ATP10D: variants seen among roughly 807,000 people sequenced by gnomAD.
The protein encoded by ATP10D is phospholipid-transporting ATPase VD.
Under a neutral mutation model 144.8 loss-of-function variants are expected in ATP10D, and 89 were observed. That is an observed-to-expected ratio of 0.61 (90% confidence interval 0.52 to 0.73). ATP10D has a LOEUF of 0.73. ATP10D is among the 30% of genes least tolerant of loss of function. The pLI, the probability that ATP10D is intolerant of heterozygous loss-of-function variation, is 0.00. For synonymous variants in ATP10D, 571 were observed against 615.1 expected, an observed-to-expected ratio of 0.93 and a Z score of 1.06; for missense variants, 1,603 against 1,714.8, an observed-to-expected ratio of 0.93 and a Z score of 1.15.
At chr4:47,532,841 CG>C (rs1179739388) in intron 5 of ATP10D, among the ~76,000 whole-genome samples, 1 of 152,072 alleles carries the variant, frequency 6.6e-6, no homozygotes, top group African/African-American at 2.4e-5. Flanking sequence ...TCTTAGACCA[CG>C]GGAGTCCAGA....
Position 47,536,877 on chromosome 4 carries a change from G to C in ATP10D, c.1335G>C (p.Glu445Asp). ...LFSDKTGTLT[E>D]NKMVFRRCSV... is the part of the protein sequence containing the mutation. Reference sequence around the variant, plus strand: ...CCGATAAGACAGGAACCCTCACTGAGAATAAGATGGTTTTTCGAAGATGTA... The same window carrying C: ...CCGATAAGACAGGAACCCTCACTGACAATAAGATGGTTTTTCGAAGATGTA... The change falls in exon 9 of 23, where the codon GAG becomes GAC. Residue 445 changes from glutamate to aspartate, a missense_variant. Transcript: ENST00000273859. 6.2e-7 allele frequency: 1 copy of C among 1,613,288 alleles called. No individual in the cohort carries two copies. The highest frequency in any genetic ancestry group is 8.5e-7 in the Non-Finnish European group (1 of 1,179,658).
At chr4:47,563,465 C>A in intron 14 of ATP10D, 116 bp from the exon 15 acceptor site, 2 of 831,656 alleles carry the variant, frequency 2.4e-6, no homozygotes, top group Non-Finnish European at 3.5e-6. Context: ...AGCAGCTGGG[C>A]AGTTTATGTA....
intron 5 of ATP10D, among the ~76,000 whole-genome samples, chr4:47,529,302 G>T (rs1717435843): frequency 6.6e-6 from 1 of 152,114 alleles, no homozygotes; most frequent in Non-Finnish European, 1.5e-5. Flanking sequence ...AATCCATCTT[G>T]AGTTAATTTT....
intron 18 of ATP10D, 146 bp downstream of exon 18, chr4:47,573,143 A>G (rs1720054677): frequency 2.0e-6 from 2 of 1,024,460 alleles, no homozygotes; most frequent in African/African-American, 3.2e-5. Flanking sequence ...CTGTCTTTCC[A>G]GAACTAAGCT....
At chr4:47,537,263 A>G (rs1438787189) in intron 9 of ATP10D, among the ~76,000 whole-genome samples, 1 of 152,174 alleles carries the variant, frequency 6.6e-6, no homozygotes, top group Non-Finnish European at 1.5e-5. Flanking sequence ...TTTGAAAAAT[A>G]TTTTGGAAAT....
At chr4:47,563,883 T>C in intron 15 of ATP10D, 118 bp downstream of exon 15, 1 of 1,010,760 alleles carries the variant, frequency 9.9e-7, no homozygotes, top group South Asian at 2.3e-5. Context: ...GCTTTTTTTG[T>C]TGTTTGTTTG....
At chr4:47,575,981 G>A (rs1398211316) in intron 18 of ATP10D, among the ~76,000 whole-genome samples, 6 of 135,214 alleles carry the variant, frequency 4.4e-5, no homozygotes, top group South Asian at 4.9e-4. Flanking sequence ...GCCCAGGCTG[G>A]AGTGCAGTGG....
chr4:47,580,584 CA>C, intron 20 of ATP10D, 106 bp downstream of exon 20: 1 of 977,552 alleles, frequency 1.0e-6, no homozygotes, highest in Non-Finnish European at 1.6e-6. Flanking sequence ...CTCATATAAT[CA>C]GGTTGATTAT....
chr4:47,526,011 T>C (rs1717226412), intron 5 of ATP10D, among the ~76,000 whole-genome samples: 1 of 152,214 alleles, frequency 6.6e-6, no homozygotes, highest in Non-Finnish European at 1.5e-5. Context: ...CAATTAGACC[T>C]ACTTCACAGT....
At chr4:47,530,935 G>A (rs1020724161) in intron 5 of ATP10D, among the ~76,000 whole-genome samples, 1 of 152,130 alleles carries the variant, frequency 6.6e-6, no homozygotes, top group Non-Finnish European at 1.5e-5. Context: ...ATTCATCAGG[G>A]ATATTAGCCT....
chr4:47,573,178 T>A (rs1259236700), intron 18 of ATP10D, among the ~76,000 whole-genome samples, 181 bp downstream of exon 18: 1 of 152,248 alleles, frequency 6.6e-6, no homozygotes, highest in Non-Finnish European at 1.5e-5. Flanking sequence ...TTTCAGCTGC[T>A]GACAGCAAAT....
intron 1 of ATP10D, among the ~76,000 whole-genome samples, chr4:47,507,645 A>T (rs1343351755): frequency 6.6e-6 from 1 of 152,252 alleles, no homozygotes; most frequent in East Asian, 1.9e-4. Flanking sequence ...AGTGATCAAC[A>T]GACATTTATA....
intron 5 of ATP10D, among the ~76,000 whole-genome samples, chr4:47,527,981 A>G (rs183775555): frequency 3.3e-5 from 5 of 152,318 alleles, no homozygotes; most frequent in Admixed American, 3.3e-4. Flanking sequence ...AAACTGGCAG[A>G]AACCCAAATG....
intron 4 of ATP10D, among the ~76,000 whole-genome samples, 191 bp from the exon 5 acceptor site, chr4:47,525,366 A>G (rs1022537155): frequency 1.3e-5 from 2 of 152,162 alleles, no homozygotes; most frequent in Admixed American, 6.5e-5. Context: ...ATAATGCCCT[A>G]GGACCATTCT....
In ATP10D at chr4:47,563,602, G is replaced by A. The variant is rs746857968; in HGVS notation, c.2690G>A (p.Arg897His). The A allele has an allele frequency of 2.7e-5, 44 of 1,608,086 alleles. No individual in the cohort carries two copies. Among genetic ancestry groups the A allele is most frequent in the Middle Eastern group, 1.7e-4 (1 of 6,022 alleles). The part of the protein sequence containing the change: ...TLLGATGIED[R>H]LQEGVPESIE... ...TTAGGTGCTACTGGCATTGAAGACCGTCTGCAGGAGGGAGTCCCTGAATCT... is the reference window on the plus strand; with the variant it reads ...TTAGGTGCTACTGGCATTGAAGACCATCTGCAGGAGGGAGTCCCTGAATCT... Residue 897 changes from arginine (R) to histidine (H), a missense_variant, in exon 15 of 23, where the codon CGT becomes CAT. Arg to His is a conservative substitution (Grantham distance 29). Coordinates refer to ENST00000273859, the MANE Select transcript of ATP10D (RefSeq NM_020453.4).
chr4:47,540,829 G>C (rs1718098674), intron 9 of ATP10D, among the ~76,000 whole-genome samples: 1 of 152,174 alleles, frequency 6.6e-6, no homozygotes, highest in Non-Finnish European at 1.5e-5. Context: ...CTAGGTGACA[G>C]TTTCTCAGAT....
chr4:47,581,267 C>A (rs542605114), intron 20 of ATP10D, among the ~76,000 whole-genome samples: 14 of 152,090 alleles, frequency 9.2e-5, no homozygotes, highest in African/African-American at 2.9e-4. Flanking sequence ...AAAATTTAGG[C>A]TAACACGATA....
rs185611178 is a variant in ATP10D, at chr4:47,535,531, G to C, written c.799G>C (p.Val267Leu). 6.2e-7 allele frequency: 1 copy of C among 1,612,364 alleles called. No homozygotes were observed. The highest frequency in any genetic ancestry group is 1.7e-5 in the Admixed American group (1 of 59,776). Reference protein sequence around the residue: ...GFLEHSNKERVGLSKENLLLR... With the variant: ...GFLEHSNKERLGLSKENLLLR... ...TAGAGAACATTCCAACAAAGAACGCGTGGGTCTCAGTAAAGAAAATTTGTT... is the reference window on the plus strand; with the variant it reads ...TAGAGAACATTCCAACAAAGAACGCCTGGGTCTCAGTAAAGAAAATTTGTT... Residue 267 changes from valine (V) to leucine (L), a missense_variant, in exon 6 of 23, where the codon GTG becomes CTG. By Grantham distance (32) the Val-to-Leu change is conservative. Transcript: ENST00000273859.
chr4:47,575,161 G>A (rs1720163791), intron 18 of ATP10D, among the ~76,000 whole-genome samples: 1 of 152,060 alleles, frequency 6.6e-6, no homozygotes, highest in Non-Finnish European at 1.5e-5. Context: ...AAGCCCTAAG[G>A]TAGTATAACT....
Sources: gnomAD v4.1 joint callset for allele counts (sites outside exome capture counted in the v4.1 genomes callset) on GRCh38, gnomAD v4.1.1 for gene constraint, MANE v1.5 for transcripts, NCBI Gene and HGNC (gene_info 2026-07-23, HGNC 2026-07-21) for gene names.